Variants in MYO5B observed in about 807,000 individuals in gnomAD.
MYO5B encodes unconventional myosin-Vb.
In MYO5B, 143 loss-of-function variants were observed where a neutral mutation model predicts 229.3. The observed-to-expected ratio is 0.62, with a 90% CI of 0.54 to 0.72. MYO5B has a LOEUF of 0.72. MYO5B is among the 30% of genes least tolerant of loss of function. The probability of loss-of-function intolerance (pLI) is 0.00; values close to 1 mark genes in which losing one functional copy is unlikely to be tolerated. For synonymous variants in MYO5B, 918 were observed against 885.2 expected (o/e 1.04, Z -0.66); for missense variants, 2,321 against 2,331.0 (o/e 1.00, Z 0.09).
intron 1 of MYO5B, among the ~76,000 whole-genome samples, chr18:50,071,292 GTCTC>G (rs1406828829): frequency 6.6e-6 from 1 of 152,116 alleles, no homozygotes; most frequent in Non-Finnish European, 1.5e-5. Context: ...TGCCCCAGGG[GTCTC>G]TCTGTGTTTT....
chr18:50,079,756 T>C (rs1163386882), intron 1 of MYO5B, among the ~76,000 whole-genome samples: 1 of 151,804 alleles, frequency 6.6e-6, no homozygotes, highest in East Asian at 1.9e-4. Flanking sequence ...AATCAGACTG[T>C]CCAAGTCCAG....
rs761624048 is a variant in MYO5B at position 49,895,062 on chromosome 18, T to C, written c.2924A>G (p.Glu975Gly). ...ELVHYQQSPG[E>G]DTSLRLQEEV... ...CTCCTGCAGCCTGAGGCTGGTGTCC[T>C]CACCTGGGCTCTGCTGGTAGTGCAC... Residue 975 changes from glutamate to glycine, a missense_variant, in exon 22 of 40, where the codon GAG becomes GGG. By Grantham distance (98) the Glu-to-Gly change is moderately conservative (BLOSUM62 -2). Around this residue, in one of 2 missense-constraint regions of MYO5B, gnomAD observed 2,113 missense variants for 2,044.7 expected, o/e 1.03. Coordinates refer to ENST00000285039, the MANE Select transcript of MYO5B (RefSeq NM_001080467.3). The C allele has an allele frequency of 1.9e-6, 3 of 1,614,022 alleles. No individual in the cohort carries two copies. The highest frequency in any genetic ancestry group is 2.2e-5 in the South Asian group (2 of 91,086).
At chr18:49,831,940 C>T (rs1346742523) in intron 39 of MYO5B, among the ~76,000 whole-genome samples, 1 of 152,178 alleles carries the variant, frequency 6.6e-6, no homozygotes, top group Non-Finnish European at 1.5e-5. Flanking sequence ...CATGCTACAA[C>T]ATGGATGACC....
At chr18:49,858,479 C>T (rs1006792048) in intron 29 of MYO5B, among the ~76,000 whole-genome samples, 8 of 152,206 alleles carry the variant, frequency 5.3e-5, no homozygotes, top group Non-Finnish European at 7.3e-5. Flanking sequence ...GACCCAGGGT[C>T]TCCAGACCTT....
At chr18:50,187,142 T>G (rs1057315272) in intron 1 of MYO5B, among the ~76,000 whole-genome samples, 2 of 152,216 alleles carry the variant, frequency 1.3e-5, no homozygotes, top group African/African-American at 4.8e-5. Context: ...CTGTCCACAC[T>G]CAAGGTGGAT....
At position 50,040,178 on chromosome 18, in the gene MYO5B, C is replaced by T. The variant is rs202205346; in HGVS notation, c.275G>A (p.Arg92His). 10 of 1,613,230 alleles carry T rather than the reference C, an allele frequency of 6.2e-6. No individual in the cohort carries two copies. Among genetic ancestry groups the T allele is most frequent in the Non-Finnish European group, 7.6e-6 (9 of 1,179,738 alleles). ...GTAGATATGGTTGGACTCCAGGAAA[C>T]GGACCTTCAAATTATGCAAAACTGC... ...EPAVLHNLKV[R>H]FLESNHIYTY... The change falls in exon 3 of 40, where the codon CGT becomes CAT. Residue 92 changes from arginine (R) to histidine (H), a missense_variant. Physicochemically the swap from Arg to His is conservative, Grantham distance 29. Around this residue, in one of 2 missense-constraint regions of MYO5B, gnomAD observed 2,113 missense variants for 2,044.7 expected, o/e 1.03. Transcript: ENST00000285039.
At chr18:49,838,853 G>C (rs1463249664) in intron 36 of MYO5B, among the ~76,000 whole-genome samples, 1 of 152,124 alleles carries the variant, frequency 6.6e-6, no homozygotes, top group Non-Finnish European at 1.5e-5. Flanking sequence ...ATATGCATTT[G>C]TACCTTTTGA....
chr18:50,104,959 G>T (rs1214300942), intron 1 of MYO5B, among the ~76,000 whole-genome samples: 2 of 152,048 alleles, frequency 1.3e-5, no homozygotes, highest in African/African-American at 2.4e-5. Flanking sequence ...AAATTGGGAT[G>T]GAGCACTCTG....
intron 5 of MYO5B, among the ~76,000 whole-genome samples, chr18:49,993,849 C>T (rs572357794): frequency 1.1e-4 from 16 of 152,270 alleles, no homozygotes; most frequent in South Asian, 2.1e-4. Flanking sequence ...CTGTATAAAA[C>T]GCTTCAGTGG....
rs747965951 is a variant in MYO5B at position 49,962,254 on chromosome 18, C to T, written c.1545+12G>A. The T allele has an allele frequency of 6.2e-7, 1 of 1,614,102 alleles. No individual in the cohort carries two copies. The highest frequency in any genetic ancestry group is 1.7e-5 in the Admixed American group (1 of 60,026). On this transcript the variant is annotated intron_variant, in intron 12 of 39. Transcript: ENST00000285039. ...ACCCTAGAATTGAACTAATTTGCAT[C>T]ATCAGTTTTACCTTACATTCTTCAT...
Position 50,122,371 on chromosome 18 carries a change from G to T in MYO5B, c.28-66993C>A, listed in dbSNP as rs187849500. On this transcript the variant is annotated intron_variant, in intron 1 of 39. Coordinates refer to ENST00000285039, the MANE Select transcript of MYO5B (RefSeq NM_001080467.3). ...AATCCCAGCACTTTCGCAGGCCGAG[G>T]CAGGCAGATCACTTGAGGTCAGGAG... Among the ~76,000 whole-genome samples the T allele has an allele frequency of 8.7e-3, 1,225 of 140,544 alleles. 15 individuals are homozygous for T. The highest frequency in any genetic ancestry group is 0.031 in the African/African-American group (1,168 of 37,706). 92.2% of individuals were successfully genotyped at this position (140,544 alleles called of 152,430 possible). A position where few individuals can be genotyped will look rare whatever the true frequency, so the allele number is the denominator to read the frequency against.
At position 50,170,485 on chromosome 18, in the gene MYO5B, T is replaced by C. The variant is rs1298017139; in HGVS notation, c.27+24282A>G. On this transcript the variant is annotated intron_variant, in intron 1 of 39. Coordinates refer to ENST00000285039, the MANE Select transcript of MYO5B (RefSeq NM_001080467.3). ...TAATTTGACTTTAGAAATCATTCTA[T>C]ATTTTATTTTCTAATCACATTTTTA... Among the ~76,000 whole-genome samples, 2 of 127,712 alleles carry C rather than the reference T, an allele frequency of 1.6e-5. 1 individual carries two copies. The highest frequency in any genetic ancestry group is 5.9e-5 in the African/African-American group (2 of 33,832). 83.8% of individuals were successfully genotyped at this position (127,712 alleles called of 152,430 possible). A position where few individuals can be genotyped will look rare whatever the true frequency, so the allele number is the denominator to read the frequency against.
intron 39 of MYO5B, among the ~76,000 whole-genome samples, chr18:49,830,145 CCACACACACACA>C (rs57718809): frequency 6.7e-6 from 1 of 149,904 alleles, no homozygotes; most frequent in Non-Finnish European, 1.5e-5. Flanking sequence ...CTGAAAGAAT[CCACACACACACA>C]CACACACACA....
intron 26 of MYO5B, among the ~76,000 whole-genome samples, chr18:49,873,055 C>T (rs74751154): frequency 0.011 from 1,714 of 152,340 alleles, 32 homozygotes; most frequent in African/African-American, 0.04. Flanking sequence ...CTCCATGACA[C>T]TACCGCAGGT....
Position 49,853,160 on chromosome 18 carries a change from A to T in MYO5B, c.4221+289T>A, listed in dbSNP as rs142330469. Among the ~76,000 whole-genome samples, 1,412 of 152,280 alleles carry T rather than the reference A, an allele frequency of 9.3e-3. 38 individuals carry two copies. The South Asian group carries it at 0.12, about 13-fold the overall frequency. On this transcript the variant is annotated intron_variant, in intron 31 of 39. Coordinates refer to ENST00000285039, the MANE Select transcript of MYO5B (RefSeq NM_001080467.3). ...GAGGAGTCTCGCTGTTCCTGCTTTCATCCTCTTGGAAGCCAGCAGCCAGGT... is the reference window on the plus strand; with the variant it reads ...GAGGAGTCTCGCTGTTCCTGCTTTCTTCCTCTTGGAAGCCAGCAGCCAGGT...
chr18:49,834,769 G>C (rs1366784113), intron 39 of MYO5B, among the ~76,000 whole-genome samples: 1 of 152,022 alleles, frequency 6.6e-6, no homozygotes, highest in African/African-American at 2.4e-5. Context: ...CTCCCGAGTA[G>C]CTGGGACTAC....
intron 31 of MYO5B, among the ~76,000 whole-genome samples, chr18:49,852,694 G>A (rs2024216203): frequency 6.6e-6 from 1 of 152,072 alleles, no homozygotes; most frequent in African/African-American, 2.4e-5. Context: ...ACTCCTGTCT[G>A]GGTGCCTTGG....
At chr18:49,887,336 C>T (rs2024654675) in intron 22 of MYO5B, among the ~76,000 whole-genome samples, 1 of 151,982 alleles carries the variant, frequency 6.6e-6, no homozygotes, top group South Asian at 2.1e-4. Flanking sequence ...CAAAGGATGG[C>T]AAGGGGTCTT....
rs763029595 is a variant in MYO5B at position 49,841,402 on chromosome 18, C to A, written c.4664G>T (p.Arg1555Leu). The change falls in exon 35 of 40, where the codon CGC becomes CTC. Residue 1555 changes from arginine to leucine, a missense_variant. Around this residue, in one of 2 missense-constraint regions of MYO5B, gnomAD observed 2,113 missense variants for 2,044.7 expected, o/e 1.03. Coordinates refer to ENST00000285039, the MANE Select transcript of MYO5B (RefSeq NM_001080467.3). ...GTACTGCTTCAGACAGTGAAGAAGGCGGCAGGTGTTGGATAACCAGAATGA... is the reference window on the plus strand; with the variant it reads ...GTACTGCTTCAGACAGTGAAGAAGGAGGCAGGTGTTGGATAACCAGAATGA... ...MTSFWLSNTC[R>L]LLHCLKQYSG... The A allele has an allele frequency of 6.2e-7, 1 of 1,614,184 alleles. No homozygotes were observed. The highest frequency in any genetic ancestry group is 8.5e-7 in the Non-Finnish European group (1 of 1,180,024).
Sources: allele counts gnomAD v4.1 joint callset (sites outside exome capture counted in the v4.1 genomes callset), GRCh38; gene constraint gnomAD v4.1.1; regional missense constraint gnomAD v4.1.1; transcripts MANE v1.5; gene names NCBI Gene and HGNC (gene_info 2026-07-23, HGNC 2026-07-21).